Variants in CECR2 observed in about 807,000 individuals in gnomAD.
CECR2 encodes the protein CECR2 histone acetyl-lysine reader.
A neutral mutation model predicts 154.5 loss-of-function variants in CECR2; 30 were observed. The ratio of observed to expected loss-of-function variants is 0.19; its 90% CI spans 0.15 to 0.26. The LOEUF (loss-of-function observed/expected upper bound fraction) is 0.26. CECR2 is among the 10% of genes least tolerant of loss of function. The pLI is 1.00. For synonymous variants in CECR2, 725 were observed against 683.7 expected (o/e 1.06, Z -0.94); for missense variants, 1,743 against 1,829.3 (o/e 0.95, Z 0.86).
At chr22:17,430,052 T>G (rs983538188) in intron 1 of CECR2, among the ~76,000 whole-genome samples, 1 of 152,244 alleles carries the variant, frequency 6.6e-6, no homozygotes, top group African/African-American at 2.4e-5. Flanking sequence ...TGGGGCATTC[T>G]TTATTTACCA....
chr22:17,510,887 G>A (rs2055935956), intron 7 of CECR2, among the ~76,000 whole-genome samples: 1 of 152,172 alleles, frequency 6.6e-6, no homozygotes, highest in South Asian at 2.1e-4. Context: ...TTACAGGCGT[G>A]AGCCACCCCA....
chr22:17,363,586 G>A (rs1258764882), intron 1 of CECR2, among the ~76,000 whole-genome samples: 1 of 152,078 alleles, frequency 6.6e-6, no homozygotes, highest in African/African-American at 2.4e-5. Flanking sequence ...CAGGTGATCT[G>A]CCTGCCTTGG....
rs761521367 is a variant in CECR2, at chr22:17,541,937, T to C, written c.1983T>C (p.Pro661=). 2.9e-5 allele frequency: 47 copies of C among 1,613,938 alleles called. No homozygotes were observed. The highest frequency in any genetic ancestry group is 2.9e-5 in the Non-Finnish European group (34 of 1,179,848). The change falls in exon 15 of 19, where the codon CCT becomes CCC. Residue 661 remains proline, a synonymous_variant. Coordinates refer to ENST00000262608, the MANE Select transcript of CECR2 (RefSeq NM_001290047.2). The part of the protein sequence containing the change: ...SGVPEPHPGE[P]VQQRQPFTMQ... ...TCCCGGAGCCACACCCCGGGGAGCC[T>C]GTGCAGCAGCGTCAGCCTTTCACCA...
chr22:17,487,923 C>T (rs191298398), intron 2 of CECR2, among the ~76,000 whole-genome samples: 12 of 152,056 alleles, frequency 7.9e-5, no homozygotes, highest in African/African-American at 2.4e-4. Context: ...GCTCTTGTCC[C>T]CCAGGTTTGA....
chr22:17,500,599 C>G, intron 4 of CECR2, 32 bp from the exon 5 acceptor site: 1 of 1,433,312 alleles, frequency 7.0e-7, no homozygotes, highest in Non-Finnish European at 9.5e-7. Context: ...CAATCCTGTG[C>G]CAGAACATTT....
At chr22:17,362,929 G>A (rs1211078455) in intron 1 of CECR2, among the ~76,000 whole-genome samples, 25 of 148,150 alleles carry the variant, frequency 1.7e-4, no homozygotes, top group Middle Eastern at 7.1e-3. Context: ...AAAAGAATAC[G>A]TCCAAGAATT....
At chr22:17,370,656 C>T (rs2063048453) in intron 1 of CECR2, among the ~76,000 whole-genome samples, 1 of 152,158 alleles carries the variant, frequency 6.6e-6, no homozygotes, top group South Asian at 2.1e-4. Flanking sequence ...GCTGGCCATT[C>T]TGGCCAGGCC....
intron 1 of CECR2, among the ~76,000 whole-genome samples, chr22:17,404,638 G>C: frequency 7.6e-6 from 1 of 131,088 alleles, no homozygotes; most frequent in African/African-American, 3.3e-5. Flanking sequence ...CTCCCAAAGT[G>C]CTGGGATTAC....
chr22:17,462,140 C>G (rs922747447), intron 1 of CECR2, among the ~76,000 whole-genome samples: 13 of 151,554 alleles, frequency 8.6e-5, no homozygotes, highest in Admixed American at 3.3e-4. Flanking sequence ...CGCGGTGGCT[C>G]ACACCTGTAA....
chr22:17,542,663 G>A lies in CECR2; in HGVS notation c.2520G>A (p.Met840Ile), dbSNP rs973585534. The A allele has an allele frequency of 6.2e-7, 1 of 1,613,872 alleles. No homozygotes were observed. Among genetic ancestry groups the A allele is most frequent in the African/African-American group, 1.3e-5 (1 of 74,904 alleles). Residue 840 changes from methionine (M) to isoleucine (I), a missense_variant, in exon 16 of 19, where the codon ATG becomes ATA. This residue lies in a region of CECR2 where 1,250 missense variants were observed against 1,192.1 expected (regional missense o/e 1.05). Transcript: ENST00000262608. The stretch of plus-strand genomic sequence containing the variant: ...ATGGAGTTCCTTCCTCAGGGTACAT[G>A]CGACCGCCCTGCAAGTCTGCCGGAC... ...LPHGVPSSGY[M>I]RPPCKSAGHR...
intron 7 of CECR2, among the ~76,000 whole-genome samples, chr22:17,505,835 CT>C (rs3994825): frequency 0.041 from 3,422 of 84,460 alleles, 58 homozygotes; most frequent in African/African-American, 0.056. Flanking sequence ...CTGCACCCGG[CT>C]TTTTTTTTTT....
rs1411064175 is a variant in CECR2, at chr22:17,554,592, A to AG, written c.*1755dup. ...AATGCTGAACCTGGTGCTGCTGCCT[A>AG]GGGCTCAGGCAGATTTGAGAGTTGA... On this transcript the variant is annotated 3_prime_UTR_variant, in exon 19 of 19. Transcript: ENST00000262608. 6.6e-6 allele frequency: 1 copy of AG among 152,224 alleles called. No homozygotes were observed. The highest frequency in any genetic ancestry group is 1.5e-5 in the Non-Finnish European group (1 of 68,036). The allele number at this position is 152,224 out of a possible 1,614,324, so 9.4% of individuals were successfully genotyped here.
chr22:17,542,379 C>G lies in CECR2; in HGVS notation c.2236C>G (p.Pro746Ala). ...PRHGGAPARPPDFPESSEIPP... is the reference protein window; with the variant it reads ...PRHGGAPARPADFPESSEIPP... ...GCATGGGGGGGCTCCAGCCCGGCCA[C>G]CAGACTTTCCTGAAAGCTCAGAAAT... Residue 746 changes from proline to alanine, a missense_variant, in exon 16 of 19, where the codon CCA becomes GCA. Physicochemically the swap from Pro to Ala is conservative, Grantham distance 27. Transcript: ENST00000262608. 1.2e-6 allele frequency: 2 copies of G among 1,613,794 alleles called. No homozygotes were observed. The highest frequency in any genetic ancestry group is 1.7e-6 in the Non-Finnish European group (2 of 1,179,876).
At chr22:17,552,170 TC>T (rs2056719079) in intron 18 of CECR2, 28 bp downstream of exon 18, 1 of 1,584,608 alleles carries the variant, frequency 6.3e-7, no homozygotes. Context: ...TTAGAGCTGT[TC>T]TTCTTCCTCC....
chr22:17,467,134 TA>T (rs1376924908), intron 1 of CECR2, among the ~76,000 whole-genome samples: 1 of 152,202 alleles, frequency 6.6e-6, no homozygotes, highest in African/African-American at 2.4e-5. Context: ...GGAAAATAGC[TA>T]TACTTGAACA....
chr22:17,440,659 T>C (rs963450820), intron 1 of CECR2, among the ~76,000 whole-genome samples: 16 of 152,192 alleles, frequency 1.1e-4, no homozygotes, highest in African/African-American at 3.9e-4. Flanking sequence ...GGGAAGGTTG[T>C]ATAGCATTAT....
At position 17,557,137 on chromosome 22, in the gene CECR2, T is replaced by C. The variant is rs2056781353; in HGVS notation, c.*4297T>C. ...GTGAATGTTACTGCATCCCGTTTTTTTTCTTTTCTTTTTTTTTTTTTTTTT... is the reference window on the plus strand; with the variant it reads ...GTGAATGTTACTGCATCCCGTTTTTCTTCTTTTCTTTTTTTTTTTTTTTTT... On this transcript the variant is annotated 3_prime_UTR_variant, in exon 19 of 19. Coordinates refer to ENST00000262608, the MANE Select transcript of CECR2 (RefSeq NM_001290047.2). 1 of 126,880 alleles carries C rather than the reference T, an allele frequency of 7.9e-6. No individual in the cohort carries two copies. The highest frequency in any genetic ancestry group is 3.2e-5 in the African/African-American group (1 of 30,870). 7.9% of individuals were successfully genotyped at this position (126,880 alleles called of 1,614,324 possible).
chr22:17,428,585 A>T (rs1286019067), intron 1 of CECR2: 1 of 152,174 alleles, frequency 6.6e-6, no homozygotes, highest in African/African-American at 2.4e-5. Flanking sequence ...TCACAATAAA[A>T]GTTTTCAAAA....
At chr22:17,458,836 C>T (rs1224248036) in intron 1 of CECR2, among the ~76,000 whole-genome samples, 1 of 152,082 alleles carries the variant, frequency 6.6e-6, no homozygotes, top group Non-Finnish European at 1.5e-5. Context: ...GTTTGTATTA[C>T]TCTGTGTGTC....
Sources: allele counts gnomAD v4.1 joint callset (sites outside exome capture counted in the v4.1 genomes callset), GRCh38; gene constraint gnomAD v4.1.1; regional missense constraint gnomAD v4.1.1; transcripts MANE v1.5; gene names NCBI Gene and HGNC (gene_info 2026-07-23, HGNC 2026-07-21).